Variants in DNAH14 observed in about 807,000 individuals in gnomAD.
DNAH14 encodes dynein axonemal heavy chain 14.
A neutral mutation model predicts 520.9 loss-of-function variants in DNAH14; 478 were observed. That is an observed-to-expected ratio of 0.92 (90% CI 0.85 to 0.99). DNAH14 has a LOEUF of 0.99. Ranked by LOEUF, DNAH14 falls within the 50% of genes least tolerant of loss-of-function variation. The probability of loss-of-function intolerance (pLI) is 0.00; values close to 1 mark genes in which losing one functional copy is unlikely to be tolerated. For synonymous variants in DNAH14, 1,581 were observed against 1,757.2 expected (o/e 0.90, Z 2.51); for missense variants, 4,831 against 5,234.5 (o/e 0.92, Z 2.38).
intron 7 of DNAH14, among the ~76,000 whole-genome samples, chr1:224,970,585 C>G (rs1013687425): frequency 6.6e-6 from 1 of 152,104 alleles, no homozygotes; most frequent in Non-Finnish European, 1.5e-5. Context: ...CCCCGGACAC[C>G]CAGCTTTAAA....
chr1:225,277,844 G>C (rs1209750897), intron 54 of DNAH14, among the ~76,000 whole-genome samples: 4 of 152,126 alleles, frequency 2.6e-5, no homozygotes, highest in Non-Finnish European at 5.9e-5. Flanking sequence ...ACAATGTTTT[G>C]CTTCTCATGA....
At chr1:225,173,530 C>T (rs926855775) in intron 36 of DNAH14, among the ~76,000 whole-genome samples, 2 of 152,170 alleles carry the variant, frequency 1.3e-5, no homozygotes, top group Non-Finnish European at 2.9e-5. Flanking sequence ...CACTGGCCAT[C>T]AGAGAAATGG....
chr1:224,930,798 C>T (rs1185612870), intron 1 of DNAH14, among the ~76,000 whole-genome samples: 1 of 152,178 alleles, frequency 6.6e-6, no homozygotes, highest in Non-Finnish European at 1.5e-5. Flanking sequence ...CGGGGCTTCA[C>T]CGTGTTAGCC....
intron 36 of DNAH14, among the ~76,000 whole-genome samples, chr1:225,177,594 CA>C (rs1365443345): frequency 6.6e-6 from 1 of 152,044 alleles, no homozygotes. Context: ...GTGCTGTATG[CA>C]GCCTGAAAGG....
At chr1:225,271,083 C>T (rs1046232968) in intron 50 of DNAH14, among the ~76,000 whole-genome samples, 21 of 152,156 alleles carry the variant, frequency 1.4e-4, no homozygotes, top group East Asian at 3.8e-4. Context: ...GTCCAATGCA[C>T]GTTAAAATGT....
intron 9 of DNAH14, among the ~76,000 whole-genome samples, chr1:225,007,131 G>C (rs1414555022): frequency 6.6e-6 from 1 of 152,172 alleles, no homozygotes. Context: ...TGGATTCTCT[G>C]CATGCATAAA....
At chr1:225,109,731 C>T (rs1218410525) in intron 23 of DNAH14, among the ~76,000 whole-genome samples, 1 of 152,082 alleles carries the variant, frequency 6.6e-6, no homozygotes, top group Non-Finnish European at 1.5e-5. Context: ...GCTAGGACTT[C>T]CAGTGTTACA....
At chr1:225,059,852 G>T (rs1033920873) in intron 17 of DNAH14, among the ~76,000 whole-genome samples, 1 of 152,112 alleles carries the variant, frequency 6.6e-6, no homozygotes, top group South Asian at 2.1e-4. Flanking sequence ...TTGAATATTG[G>T]CCCCCACTCT....
chr1:225,076,239 A>G lies in DNAH14; in HGVS notation c.2425-2968A>G, dbSNP rs569572257. On this transcript the variant is annotated intron_variant, in intron 17 of 85. Coordinates refer to ENST00000682510, the MANE Select transcript of DNAH14 (RefSeq NM_001367479.1). ...GAGTCCAACATGTGGGCCTCAAAAC[A>G]TGGGACTGTGGGGTATAGTCTGGTG... 1.2e-3 allele frequency among the ~76,000 whole-genome samples: 184 copies of G among 152,224 alleles called. 2 individuals are homozygous for G. Among genetic ancestry groups the G allele is most frequent in the Middle Eastern group, 6.8e-3 (2 of 294 alleles).
In DNAH14 at chr1:225,059,984, T is replaced by A. The variant is rs923459134; in HGVS notation, c.2424+8189T>A. Among the ~76,000 whole-genome samples, 18 of 151,858 alleles carry A rather than the reference T, an allele frequency of 1.2e-4. No homozygotes were observed. In the East Asian group the frequency reaches 1.4e-3, roughly 11 times the overall value. ...ATTTTTCCCTTCATTTCAACTTTGGTGAATCTGACAATTATGTGTCTTGGA... is the reference window on the plus strand; with the variant it reads ...ATTTTTCCCTTCATTTCAACTTTGGAGAATCTGACAATTATGTGTCTTGGA... On this transcript the variant is annotated intron_variant, in intron 17 of 85. Transcript: ENST00000682510.
chr1:225,218,956 C>G lies in DNAH14; in HGVS notation c.6439+11736C>G, dbSNP rs542020076. 2.1e-4 allele frequency among the ~76,000 whole-genome samples: 32 copies of G among 152,282 alleles called. 1 individual carries two copies. Among genetic ancestry groups the G allele is most frequent in the African/African-American group, 6.5e-4 (27 of 41,562 alleles). On this transcript the variant is annotated intron_variant, in intron 41 of 85. Transcript: ENST00000682510. Reference sequence around the variant, plus strand: ...CAAAAAATGGAAATCATAACAGTCTCTCAGACCACAGTGCAATCAAGTTAG... The same window carrying G: ...CAAAAAATGGAAATCATAACAGTCTGTCAGACCACAGTGCAATCAAGTTAG...
At chr1:224,965,915 A>C (rs572632378) in intron 5 of DNAH14, among the ~76,000 whole-genome samples, 2 of 152,326 alleles carry the variant, frequency 1.3e-5, no homozygotes, top group East Asian at 3.9e-4. Flanking sequence ...GTGTGAAGAA[A>C]GGATTGAGAA....
At chr1:225,382,776 T>C (rs771552973) in intron 81 of DNAH14, among the ~76,000 whole-genome samples, 2 of 151,902 alleles carry the variant, frequency 1.3e-5, no homozygotes, top group Non-Finnish European at 2.9e-5. Context: ...TTATTTGTAA[T>C]ACCCAAAAGG....
chr1:225,090,725 C>T (rs925790727), intron 21 of DNAH14, among the ~76,000 whole-genome samples: 2 of 152,078 alleles, frequency 1.3e-5, no homozygotes, highest in African/African-American at 4.8e-5. Flanking sequence ...AAACATTTAA[C>T]ACATAAAAGG....
chr1:225,195,833 T>A (rs2086061866), intron 38 of DNAH14, among the ~76,000 whole-genome samples: 1 of 152,050 alleles, frequency 6.6e-6, no homozygotes, highest in Non-Finnish European at 1.5e-5. Flanking sequence ...TCATCAGGTT[T>A]TCAAACCTTA....
intron 9 of DNAH14, 139 bp from the exon 10 acceptor site, chr1:225,007,273 AC>A (rs2147855229): frequency 2.0e-6 from 1 of 509,604 alleles, no homozygotes; most frequent in Admixed American, 5.1e-5. Context: ...AATTTGAAAA[AC>A]ATGTAAGTCA....
rs1553335924 is a variant in DNAH14, at chr1:225,335,545, G to GTATATACACATATACATATGTACA, written c.10081-1713_10081-1712insCATATACATATGTACATATATACA. The stretch of plus-strand genomic sequence containing the variant: ...CATATATACATATGTACATATATAC[G>GTATATACACATATACATATGTACA]TATATACATATGTACATCTATGTAT... On this transcript the variant is annotated intron_variant, in intron 66 of 85. Transcript: ENST00000682510. Among the ~76,000 whole-genome samples the GTATATACACATATACATATGTACA allele has an allele frequency of 1.1e-4, 8 of 70,034 alleles. 1 individual carries two copies. Among genetic ancestry groups the GTATATACACATATACATATGTACA allele is most frequent in the African/African-American group, 5.2e-4 (7 of 13,412 alleles). The allele number at this position is 70,034 out of a possible 152,430, so 45.9% of individuals were successfully genotyped here. A position where few individuals can be genotyped will look rare whatever the true frequency, so the allele number is the denominator to read the frequency against.
chr1:225,006,348 G>A (rs372265912), intron 9 of DNAH14, among the ~76,000 whole-genome samples: 1 of 152,200 alleles, frequency 6.6e-6, no homozygotes, highest in South Asian at 2.1e-4. Flanking sequence ...TGATTTTCAG[G>A]AAACAAGGGA....
At chr1:225,284,717 A>G (rs2093698195) in intron 54 of DNAH14, among the ~76,000 whole-genome samples, 1 of 152,230 alleles carries the variant, frequency 6.6e-6, no homozygotes, top group Admixed American at 6.5e-5. Context: ...CCTTATGAAT[A>G]TAGTGGAAAA....
Sources: gnomAD v4.1 joint callset for allele counts (sites outside exome capture counted in the v4.1 genomes callset) on GRCh38, gnomAD v4.1.1 for gene constraint, MANE v1.5 for transcripts, NCBI Gene and HGNC (gene_info 2026-07-23, HGNC 2026-07-21) for gene names.